Variants in BTN3A2 observed in about 807,000 individuals in gnomAD.
The protein encoded by BTN3A2 is butyrophilin subfamily 3 member A2.
In BTN3A2, 25 loss-of-function variants were observed where a neutral mutation model predicts 37.6. The ratio of observed to expected loss-of-function variants is 0.66; its 90% CI spans 0.48 to 0.93. The LOEUF (loss-of-function observed/expected upper bound fraction) is 0.93, where lower values mean the gene tolerates loss of function less well. BTN3A2 is among the 40% of genes least tolerant of loss of function. BTN3A2 has a pLI of 0.00. For synonymous variants in BTN3A2, 122 were observed against 159.4 expected (o/e 0.77, Z 1.77); for missense variants, 266 against 410.9 (o/e 0.65, Z 3.05).
chr6:26,376,638 G>A lies in BTN3A2; in HGVS notation c.*876G>A, dbSNP rs1760731828. Reference sequence around the variant, plus strand: ...CCTTGTTTCTGAGGACCAGAGGAGTGTACAGCGTGCTGAGGAGCCCCATGA... The same window carrying A: ...CCTTGTTTCTGAGGACCAGAGGAGTATACAGCGTGCTGAGGAGCCCCATGA... On this transcript the variant is annotated 3_prime_UTR_variant, in exon 11 of 11. Coordinates refer to ENST00000377708, the MANE Select transcript of BTN3A2 (RefSeq NM_007047.5). 1 of 1,473,418 alleles carries A rather than the reference G, an allele frequency of 6.8e-7. No homozygotes were observed. Among genetic ancestry groups the A allele is most frequent in the Non-Finnish European group, 9.5e-7 (1 of 1,056,160 alleles). The allele number at this position is 1,473,418 out of a possible 1,614,324, so 91.3% of individuals were successfully genotyped here.
At position 26,375,959 on chromosome 6, in the gene BTN3A2, C is replaced by A; in HGVS notation, c.*197C>A. 1 of 1,216,022 alleles carries A rather than the reference C, an allele frequency of 8.2e-7. No homozygotes were observed. The highest frequency in any genetic ancestry group is 1.2e-6 in the Non-Finnish European group (1 of 867,036). The allele number at this position is 1,216,022 out of a possible 1,614,324, so 75.3% of individuals were successfully genotyped here. ...CAGCAGCTCATGCCTGTAATCCTAG[C>A]ACTTTGGAAGGCTGAGGAGGGCGGA... On this transcript the variant is annotated 3_prime_UTR_variant, in exon 11 of 11. Coordinates refer to ENST00000377708, the MANE Select transcript of BTN3A2 (RefSeq NM_007047.5).
At chr6:26,372,834 G>T in intron 5 of BTN3A2, 63 bp from the exon 6 acceptor site, 1 of 1,594,748 alleles carries the variant, frequency 6.3e-7, no homozygotes, top group Non-Finnish European at 8.6e-7. Context: ...AAAGCTTGGG[G>T]TGCTGCAGGC....
chr6:26,367,987 C>T lies in BTN3A2; in HGVS notation c.-66-3C>T, dbSNP rs1759681997. ...GATCAGATAACAGATATTATTTTTA[C>T]AGATGGTTTTCCATACTGGAACCCA... On this transcript the variant is annotated splice_polypyrimidine_tract_variant and splice_region_variant and intron_variant, in intron 1 of 10. Transcript: ENST00000377708. 6.7e-6 allele frequency: 9 copies of T among 1,334,942 alleles called. No homozygotes were observed. The East Asian group carries it at 2.3e-4, about 34-fold the overall frequency. The allele number at this position is 1,334,942 out of a possible 1,614,324, so 82.7% of individuals were successfully genotyped here. A position where few individuals can be genotyped will look rare whatever the true frequency, so the allele number is the denominator to read the frequency against.
chr6:26,365,180 C>CT (rs1761930012), upstream of BTN3A2: 1 of 941,642 alleles, frequency 1.1e-6, no homozygotes, highest in Admixed American at 2.7e-5. Context: ...AATCAAAAAA[C>CT]TAATTCTTCC....
At chr6:26,371,633 T>A (rs1760122569) in intron 5 of BTN3A2, among the ~76,000 whole-genome samples, 1 of 152,154 alleles carries the variant, frequency 6.6e-6, no homozygotes, top group South Asian at 2.1e-4. Context: ...TAAGCTTGCA[T>A]TTGTATGAGA....
At position 26,376,725 on chromosome 6, in the gene BTN3A2, A is replaced by G. The variant is rs1336495138; in HGVS notation, c.*963A>G. On this transcript the variant is annotated 3_prime_UTR_variant, in exon 11 of 11. Transcript: ENST00000377708. ...CTGTGTGCTTGGCTGTGAAAGCTTCATGTCAGAGAGACACTACTGGGAGGT... is the reference window on the plus strand; with the variant it reads ...CTGTGTGCTTGGCTGTGAAAGCTTCGTGTCAGAGAGACACTACTGGGAGGT... 2.5e-6 allele frequency: 4 copies of G among 1,585,950 alleles called. No homozygotes were observed. The highest frequency in any genetic ancestry group is 3.5e-6 in the Non-Finnish European group (4 of 1,154,980).
chr6:26,374,668 A>G, intron 9 of BTN3A2, 103 bp from the exon 10 acceptor site: 3 of 1,286,100 alleles, frequency 2.3e-6, no homozygotes, highest in Non-Finnish European at 3.3e-6. Context: ...ACCCTGGAAG[A>G]GACTCTAAAG....
chr6:26,371,361 G>A (rs1363889708), intron 5 of BTN3A2, among the ~76,000 whole-genome samples: 1 of 152,014 alleles, frequency 6.6e-6, no homozygotes, highest in Non-Finnish European at 1.5e-5. Context: ...CTCACAAAAG[G>A]GTGCTCATTC....
At chr6:26,365,915 C>T (rs755661192) in intron 1 of BTN3A2, among the ~76,000 whole-genome samples, 2 of 152,142 alleles carry the variant, frequency 1.3e-5, no homozygotes, top group Non-Finnish European at 2.9e-5. Flanking sequence ...AGTCATAAAA[C>T]ATGTTCCATG....
At chr6:26,373,173 C>G in intron 6 of BTN3A2, 76 bp downstream of exon 6, 1 of 1,605,964 alleles carries the variant, frequency 6.2e-7, no homozygotes, top group Non-Finnish European at 8.5e-7. Context: ...TCTCCCCTAC[C>G]CTGGCACTGC....
chr6:26,373,594 A>T, intron 8 of BTN3A2, 181 bp downstream of exon 8: 2 of 522,088 alleles, frequency 3.8e-6, no homozygotes, highest in Non-Finnish European at 3.1e-6. Context: ...TCTAGAAAAA[A>T]AAAAAAAAAA....
chr6:26,374,946 GA>G, intron 10 of BTN3A2, 148 bp downstream of exon 10: 4 of 771,378 alleles, frequency 5.2e-6, no homozygotes, highest in Non-Finnish European at 8.2e-6. Flanking sequence ...GGGTGGAGGT[GA>G]AGGGAAGGAG....
chr6:26,371,697 T>A (rs78525827), intron 5 of BTN3A2, among the ~76,000 whole-genome samples: 1 of 151,924 alleles, frequency 6.6e-6, no homozygotes, highest in African/African-American at 2.4e-5. Context: ...TTTTTTTTTT[T>A]AGACAAAGTC....
chr6:26,373,312 C>T lies in BTN3A2; in HGVS notation c.937+16C>T, dbSNP rs748015699. 1.9e-6 allele frequency: 3 copies of T among 1,609,604 alleles called. 1 individual carries two copies. On this transcript the variant is annotated intron_variant, in intron 7 of 10. Transcript: ENST00000377708. ...GAGGAACTCAGTAAGTTACCATTCC[C>T]CCAGAGATCCAGACATGTCTTCCTA...
chr6:26,376,479 G>A lies in BTN3A2; in HGVS notation c.*717G>A. 1 of 1,111,924 alleles carries A rather than the reference G, an allele frequency of 9.0e-7. No homozygotes were observed. The highest frequency in any genetic ancestry group is 1.2e-6 in the Non-Finnish European group (1 of 819,916). 68.9% of individuals were successfully genotyped at this position (1,111,924 alleles called of 1,614,324 possible). ...GGCTAGGGACACGGGGTTCTGGAAG[G>A]ACCTCCTCAGCATGGCCCAAGCCTT... is the stretch of plus-strand genomic sequence containing the variant. On this transcript the variant is annotated 3_prime_UTR_variant, in exon 11 of 11. Coordinates refer to ENST00000377708, the MANE Select transcript of BTN3A2 (RefSeq NM_007047.5).
chr6:26,367,260 G>T (rs1042393575), intron 1 of BTN3A2, among the ~76,000 whole-genome samples: 2 of 152,196 alleles, frequency 1.3e-5, no homozygotes, highest in African/African-American at 4.8e-5. Context: ...CTTGTGAGTG[G>T]CTGGTTCAGT....
chr6:26,373,200 A>G, intron 6 of BTN3A2, 76 bp from the exon 7 acceptor site: 1 of 1,497,080 alleles, frequency 6.7e-7, no homozygotes, highest in African/African-American at 1.7e-5. Context: ...TTTAAGGTTT[A>G]TTTCCCGAAA....
Position 26,377,114 on chromosome 6 carries a change from C to A in BTN3A2, c.*1352C>A. 1.5e-6 allele frequency: 2 copies of A among 1,321,596 alleles called. No individual in the cohort carries two copies. The highest frequency in any genetic ancestry group is 3.4e-5 in the Admixed American group (2 of 59,398). 81.9% of individuals were successfully genotyped at this position (1,321,596 alleles called of 1,614,324 possible). A position where few individuals can be genotyped will look rare whatever the true frequency, so the allele number is the denominator to read the frequency against. On this transcript the variant is annotated 3_prime_UTR_variant, in exon 11 of 11. Transcript: ENST00000377708. ...GCCCAATACCAAAAGTAGAGAGTTC[C>A]CCCGATCCCGACCTAGTGCCTGATC...
chr6:26,376,055 A>C lies in BTN3A2; in HGVS notation c.*293A>C. 2.3e-6 allele frequency: 1 copy of C among 439,376 alleles called. No individual in the cohort carries two copies. Among genetic ancestry groups the C allele is most frequent in the Non-Finnish European group, 4.0e-6 (1 of 252,296 alleles). The allele number at this position is 439,376 out of a possible 1,614,324, so 27.2% of individuals were successfully genotyped here. A position where few individuals can be genotyped will look rare whatever the true frequency, so the allele number is the denominator to read the frequency against. ...CCCCGTCTCTACTAAAAATACAAAA[A>C]ATAAAAAATTAGCCGGGCATGGTGA... On this transcript the variant is annotated 3_prime_UTR_variant, in exon 11 of 11. Coordinates refer to ENST00000377708, the MANE Select transcript of BTN3A2 (RefSeq NM_007047.5).
Sources: gnomAD v4.1 joint callset for allele counts (sites outside exome capture counted in the v4.1 genomes callset) on GRCh38, gnomAD v4.1.1 for gene constraint, MANE v1.5 for transcripts, NCBI Gene and HGNC (gene_info 2026-07-23, HGNC 2026-07-21) for gene names.